The following GPC5 variants were observed in gnomAD, a reference collection of about 807,000 sequenced individuals.
The protein encoded by GPC5 is glypican 5.
In GPC5, 47 loss-of-function variants were observed where a neutral mutation model predicts 53.9. That is an observed-to-expected ratio of 0.87 (90% CI 0.69 to 1.11). The LOEUF is 1.11. Ranked by LOEUF, GPC5 falls within the 50% of genes most tolerant of loss-of-function variation. The pLI is 0.00. For missense variants in GPC5, 748 were observed against 713.1 expected, an observed-to-expected ratio of 1.05 and a Z score of -0.56; for synonymous variants, 286 against 263.3, an observed-to-expected ratio of 1.09 and a Z score of -0.84.
At chr13:92,393,047 G>A (rs1875084858) in intron 7 of GPC5, among the ~76,000 whole-genome samples, 1 of 152,108 alleles carries the variant, frequency 6.6e-6, no homozygotes, top group Non-Finnish European at 1.5e-5. Context: ...TCCTGTTACT[G>A]GGCAGATTCC....
chr13:91,632,326 G>A (rs2034178370), intron 2 of GPC5, among the ~76,000 whole-genome samples: 1 of 152,058 alleles, frequency 6.6e-6, no homozygotes, highest in Admixed American at 6.6e-5. Context: ...AGAGATTTAT[G>A]GAATTGGGGA....
At position 92,069,645 on chromosome 13, in the gene GPC5, T is replaced by G. The variant is rs2041195259; in HGVS notation, c.1402-75185T>G. 2.6e-5 allele frequency among the ~76,000 whole-genome samples: 4 copies of G among 152,086 alleles called. No homozygotes were observed. The South Asian group carries it at 8.3e-4, about 32-fold the overall frequency. ...AGAATATTAACTTTGTAAACTGACTTGGAGTCTCCCTGGGTGAATTCTAAC... is the reference window on the plus strand; with the variant it reads ...AGAATATTAACTTTGTAAACTGACTGGGAGTCTCCCTGGGTGAATTCTAAC... On this transcript the variant is annotated intron_variant, in intron 6 of 7. Coordinates refer to ENST00000377067, the MANE Select transcript of GPC5 (RefSeq NM_004466.6).
chr13:91,552,480 T>C (rs1038884817), intron 2 of GPC5, among the ~76,000 whole-genome samples: 2 of 152,024 alleles, frequency 1.3e-5, no homozygotes, highest in East Asian at 1.9e-4. Context: ...CCTTCAGAGC[T>C]GAGAGCCCTG....
At chr13:92,743,970 G>A (rs1343019446) in intron 7 of GPC5, among the ~76,000 whole-genome samples, 2 of 152,064 alleles carry the variant, frequency 1.3e-5, no homozygotes, top group Non-Finnish European at 2.9e-5. Context: ...GATCTAATTT[G>A]CAGTTGATAA....
At chr13:92,054,265 A>G (rs1204940204) in intron 6 of GPC5, among the ~76,000 whole-genome samples, 2 of 151,840 alleles carry the variant, frequency 1.3e-5, no homozygotes, top group South Asian at 2.1e-4. Flanking sequence ...CAGGACAAAG[A>G]CATACTTTTG....
At chr13:91,955,581 G>T (rs1052113146) in intron 6 of GPC5, among the ~76,000 whole-genome samples, 2 of 152,186 alleles carry the variant, frequency 1.3e-5, no homozygotes, top group African/African-American at 4.8e-5. Context: ...CCAACTTAGG[G>T]AAAGGGTAAG....
intron 7 of GPC5, among the ~76,000 whole-genome samples, chr13:92,426,040 A>T (rs1488487680): frequency 6.6e-6 from 1 of 152,122 alleles, no homozygotes; most frequent in Non-Finnish European, 1.5e-5. Flanking sequence ...CTTTTCTGTT[A>T]AAACAATACA....
intron 7 of GPC5, among the ~76,000 whole-genome samples, chr13:92,531,831 G>T (rs1394396869): frequency 1.3e-5 from 2 of 152,162 alleles, no homozygotes; most frequent in Non-Finnish European, 2.9e-5. Flanking sequence ...TTTTTGTCAT[G>T]AATTATGTTG....
intron 7 of GPC5, among the ~76,000 whole-genome samples, chr13:92,703,658 T>TAAAA (rs1189220185): frequency 1.1e-4 from 16 of 150,332 alleles, no homozygotes; most frequent in African/African-American, 3.9e-4. Context: ...TAAGTTTATT[T>TAAAA]AAAAATTTAT....
intron 7 of GPC5, among the ~76,000 whole-genome samples, chr13:92,628,711 G>A (rs1885137476): frequency 2.6e-5 from 4 of 152,106 alleles, no homozygotes; most frequent in Admixed American, 2.6e-4. Flanking sequence ...ACACCCATCT[G>A]CCTTCTCCAA....
chr13:91,663,210 C>T (rs1028338672), intron 2 of GPC5, among the ~76,000 whole-genome samples: 2 of 152,120 alleles, frequency 1.3e-5, no homozygotes, highest in Non-Finnish European at 2.9e-5. Context: ...TGTAAAGACC[C>T]ATATTTGGGG....
chr13:92,238,276 G>A (rs367603322), intron 7 of GPC5, among the ~76,000 whole-genome samples: 1 of 151,896 alleles, frequency 6.6e-6, no homozygotes, highest in Admixed American at 6.6e-5. Context: ...GTACACTGCT[G>A]TACAGAGTAG....
At chr13:92,826,688 G>T (rs954993242) in intron 7 of GPC5, among the ~76,000 whole-genome samples, 3 of 152,070 alleles carry the variant, frequency 2.0e-5, no homozygotes, top group Non-Finnish European at 2.9e-5. Context: ...TACCATAAGG[G>T]TGTACAATTC....
chr13:92,132,291 G>A (rs547467543), intron 6 of GPC5, among the ~76,000 whole-genome samples: 9 of 152,204 alleles, frequency 5.9e-5, no homozygotes, highest in Middle Eastern at 3.4e-3. Flanking sequence ...TGTGAAAATC[G>A]TACATGTATG....
At chr13:91,883,305 C>A (rs564336784) in intron 5 of GPC5, among the ~76,000 whole-genome samples, 6 of 152,266 alleles carry the variant, frequency 3.9e-5, no homozygotes, top group African/African-American at 9.6e-5. Context: ...TATTATCTAA[C>A]CTTAAAGGTC....
intron 7 of GPC5, among the ~76,000 whole-genome samples, chr13:92,325,024 G>A (rs1413433680): frequency 6.6e-6 from 1 of 151,466 alleles, no homozygotes; most frequent in East Asian, 1.9e-4. Flanking sequence ...CGTAAAATAT[G>A]TTATATGTTT....
intron 6 of GPC5, among the ~76,000 whole-genome samples, chr13:92,108,289 G>A (rs2041526050): frequency 6.6e-6 from 1 of 152,144 alleles, no homozygotes; most frequent in Non-Finnish European, 1.5e-5. Flanking sequence ...AATATCCTTA[G>A]AGGACTTATG....
chr13:91,985,130 G>A (rs1264572162), intron 6 of GPC5, among the ~76,000 whole-genome samples: 1 of 152,104 alleles, frequency 6.6e-6, no homozygotes, highest in Non-Finnish European at 1.5e-5. Flanking sequence ...ATATTTTGAA[G>A]ATGTATTATT....
At chr13:92,297,168 C>A (rs2043042485) in intron 7 of GPC5, among the ~76,000 whole-genome samples, 1 of 152,230 alleles carries the variant, frequency 6.6e-6, no homozygotes, top group Admixed American at 6.5e-5. Flanking sequence ...ATATGTAGCT[C>A]AGGGATTGTA....
Sources: gnomAD v4.1 joint callset for allele counts (sites outside exome capture counted in the v4.1 genomes callset) on GRCh38, gnomAD v4.1.1 for gene constraint, MANE v1.5 for transcripts, NCBI Gene and HGNC (gene_info 2026-07-23, HGNC 2026-07-21) for gene names.